RERGL: variants seen among roughly 807,000 people sequenced by gnomAD.
RERGL encodes ras-related and estrogen-regulated growth inhibitor-like protein.
In RERGL, 22 loss-of-function variants were observed where a neutral mutation model predicts 24.7. That is an observed-to-expected ratio of 0.89 (90% CI 0.64 to 1.27). RERGL has a LOEUF of 1.27. Among genes scored for constraint, RERGL ranks in the 50% most tolerant of loss-of-function variants. The probability of loss-of-function intolerance (pLI) is 0.00; values close to 1 mark genes in which losing one functional copy is unlikely to be tolerated. For missense variants in RERGL, 259 were observed against 235.3 expected (o/e 1.10, Z -0.66); for synonymous variants, 76 against 82.6 (o/e 0.92, Z 0.43).
intron 3 of RERGL, among the ~76,000 whole-genome samples, chr12:18,084,943 A>C (rs1267027667): frequency 1.3e-5 from 2 of 152,216 alleles, no homozygotes; most frequent in Non-Finnish European, 2.9e-5. Context: ...TTGATGAGCT[A>C]CAATAATTGT....
intron 4 of RERGL, among the ~76,000 whole-genome samples, chr12:18,083,874 T>G (rs902792521): frequency 6.6e-6 from 1 of 152,096 alleles, no homozygotes. Flanking sequence ...CCAAAATGAC[T>G]GAAAAATAGG....
At chr12:18,082,524 G>A (rs1950403081) in intron 4 of RERGL, among the ~76,000 whole-genome samples, 1 of 152,114 alleles carries the variant, frequency 6.6e-6, no homozygotes, top group South Asian at 2.1e-4. Flanking sequence ...TCCTCACACA[G>A]AATTCTCACA....
Position 18,084,619 on chromosome 12 carries a change from T to A in RERGL, c.230A>T (p.Asp77Val). 3 of 1,612,254 alleles carry A rather than the reference T, an allele frequency of 1.9e-6. No individual in the cohort carries two copies. The highest frequency in any genetic ancestry group is 2.5e-6 in the Non-Finnish European group (3 of 1,179,312). ...GATGTCATACACAATAACAAACCCA[T>A]CTGCCCAGTGAAGCTCACTTGTGAG... ...FSLTSELHWA[D>V]GFVIVYDISD... Residue 77 changes from aspartate (D) to valine (V), a missense_variant, in exon 4 of 5, where the codon GAT (aspartate) becomes GTT (valine). Transcript: ENST00000538724.
At chr12:18,088,616 T>C (rs1397386287) in intron 2 of RERGL, among the ~76,000 whole-genome samples, 1 of 152,158 alleles carries the variant, frequency 6.6e-6, no homozygotes, top group Non-Finnish European at 1.5e-5. Context: ...TTCAGTTACA[T>C]CTTCTACAAT....
At chr12:18,087,401 T>C (rs767455726) in intron 2 of RERGL, among the ~76,000 whole-genome samples, 2 of 152,226 alleles carry the variant, frequency 1.3e-5, no homozygotes, top group Non-Finnish European at 2.9e-5. Context: ...TATAGGTTTA[T>C]TCTTGACTCC....
chr12:18,089,889 A>G (rs958155607), intron 1 of RERGL, among the ~76,000 whole-genome samples, 200 bp downstream of exon 1: 5 of 152,124 alleles, frequency 3.3e-5, no homozygotes, highest in Non-Finnish European at 7.3e-5. Flanking sequence ...TATATATTCT[A>G]TAAACATACA....
rs1452670594 is a variant in RERGL at position 18,085,687 on chromosome 12, A to G, written c.116T>C (p.Ile39Thr). ...TTCCAAACACAAGTGCTTCTTATAG[A>G]TAGATTCTGCAAAAATATGCATATC... ...IGEYASNFES[I>T]YKKHLCLERK... Residue 39 changes from isoleucine to threonine, a missense_variant, in exon 3 of 5, where the codon ATC becomes ACC. By Grantham distance (89) the Ile-to-Thr change is moderately conservative. Coordinates refer to ENST00000538724, the MANE Select transcript of RERGL (RefSeq NM_001286201.2). 1 of 1,588,718 alleles carries G rather than the reference A, an allele frequency of 6.3e-7. No individual in the cohort carries two copies. Among genetic ancestry groups the G allele is most frequent in the Admixed American group, 1.7e-5 (1 of 58,426 alleles).
chr12:18,088,334 C>CA (rs1399393123), intron 2 of RERGL, among the ~76,000 whole-genome samples: 2 of 151,722 alleles, frequency 1.3e-5, no homozygotes, highest in East Asian at 3.9e-4. Flanking sequence ...TAATTCTAGT[C>CA]AAAAAACAGA....
At chr12:18,082,711 G>A (rs1041093295) in intron 4 of RERGL, among the ~76,000 whole-genome samples, 1 of 152,114 alleles carries the variant, frequency 6.6e-6, no homozygotes, top group Admixed American at 6.5e-5. Flanking sequence ...GAACAATTTA[G>A]ACAATATTTT....
intron 2 of RERGL, among the ~76,000 whole-genome samples, chr12:18,086,029 T>G (rs1342612218): frequency 1.4e-5 from 1 of 71,078 alleles, no homozygotes; most frequent in African/African-American, 4.4e-5. Flanking sequence ...GGCCAATTTT[T>G]TTTTTTTTTT....
intron 4 of RERGL, among the ~76,000 whole-genome samples, chr12:18,082,076 G>T (rs774860003): frequency 4.6e-5 from 7 of 151,042 alleles, no homozygotes; most frequent in Admixed American, 2.0e-4. Flanking sequence ...GGAGTCAGAG[G>T]TTGCCGTGAG....
In RERGL at chr12:18,081,060, A is replaced by T; in HGVS notation, c.*131T>A. 2 of 812,976 alleles carry T rather than the reference A, an allele frequency of 2.5e-6. No individual in the cohort carries two copies. Among genetic ancestry groups the T allele is most frequent in the Non-Finnish European group, 3.7e-6 (2 of 533,874 alleles). The allele number at this position is 812,976 out of a possible 1,614,324, so 50.4% of individuals were successfully genotyped here. ...ATATTTGAAAACACAGCTGTGGTTC[A>T]TACTCAATCATTTCATATCTCCAAG... On this transcript the variant is annotated 3_prime_UTR_variant, in exon 5 of 5. Coordinates refer to ENST00000538724, the MANE Select transcript of RERGL (RefSeq NM_001286201.2).
At chr12:18,089,508 A>T in intron 1 of RERGL, 1 of 545,246 alleles carries the variant, frequency 1.8e-6, no homozygotes, top group Non-Finnish European at 2.8e-6. Flanking sequence ...GTAGCATGTC[A>T]CCATTATAAT....
At position 18,090,121 on chromosome 12, in the gene RERGL, G is replaced by T; in HGVS notation, c.20C>A (p.Ala7Asp). Residue 7 changes from alanine to aspartate, a missense_variant, in exon 1 of 5, where the codon GCT (alanine) becomes GAT (aspartate). Transcript: ENST00000538724. Reference sequence around the variant, plus strand: ...GCCTGTTCCTTCACCACCCAAGACAGCAAGCTTCACATCATTCATCTTGCT... The same window carrying T: ...GCCTGTTCCTTCACCACCCAAGACATCAAGCTTCACATCATTCATCTTGCT... Reference protein sequence around the residue: MNDVKLAVLGGEGTGKS... With the variant: MNDVKLDVLGGEGTGKS... 6.5e-7 allele frequency: 1 copy of T among 1,532,770 alleles called. No individual in the cohort carries two copies. The highest frequency in any genetic ancestry group is 8.7e-7 in the Non-Finnish European group (1 of 1,145,432). The allele number at this position is 1,532,770 out of a possible 1,614,324, so 94.9% of individuals were successfully genotyped here.
At chr12:18,085,808 A>T (rs992104725) in intron 2 of RERGL, 115 bp from the exon 3 acceptor site, 1 of 574,678 alleles carries the variant, frequency 1.7e-6, no homozygotes, top group Admixed American at 3.6e-5. Context: ...ATTGCTGGTG[A>T]CTGAAAGCAT....
rs139170520 is a variant in RERGL, at chr12:18,085,619, C to T, written c.183+1G>A. 78 of 1,542,048 alleles carry T rather than the reference C, an allele frequency of 5.1e-5. No homozygotes were observed. The highest frequency in any genetic ancestry group is 6.8e-5 in the Non-Finnish European group (77 of 1,124,950). On this transcript the variant is annotated splice_donor_variant, in intron 3 of 4. Coordinates refer to ENST00000538724, the MANE Select transcript of RERGL (RefSeq NM_001286201.2). LOFTEE classifies it high-confidence loss of function. Reference sequence around the variant, plus strand: ...TAAAAAAGGTGTTTTGTTTTACTTACTTGAGAACAAGGGTCATATATTTCT... The same window carrying T: ...TAAAAAAGGTGTTTTGTTTTACTTATTTGAGAACAAGGGTCATATATTTCT...
intron 1 of RERGL, chr12:18,089,433 T>A (rs923079213): frequency 1.6e-6 from 2 of 1,261,664 alleles, no homozygotes; most frequent in African/African-American, 3.1e-5. Flanking sequence ...CCATTCATCA[T>A]GTCACAGCTC....
intron 4 of RERGL, 124 bp downstream of exon 4, chr12:18,084,393 G>C (rs1947199404): frequency 1.3e-6 from 1 of 754,952 alleles, no homozygotes; most frequent in Non-Finnish European, 2.0e-6. Flanking sequence ...GGAATAGGAA[G>C]GTGAATTGTT....
chr12:18,089,057 G>C (rs1947245967), intron 1 of RERGL, 101 bp from the exon 2 acceptor site: 1 of 1,178,808 alleles, frequency 8.5e-7, no homozygotes, highest in Non-Finnish European at 1.2e-6. Flanking sequence ...AAATATTCAA[G>C]AATTAATAAA....
Sources: gnomAD v4.1 joint callset for allele counts (sites outside exome capture counted in the v4.1 genomes callset) on GRCh38, gnomAD v4.1.1 for gene constraint, MANE v1.5 for transcripts, NCBI Gene and HGNC (gene_info 2026-07-23, HGNC 2026-07-21) for gene names.